CERS5: variants seen among roughly 807,000 people sequenced by gnomAD.
CERS5 encodes LAG1 homolog, ceramide synthase 5.
A neutral mutation model predicts 58.9 loss-of-function variants in CERS5; 37 were observed. The observed-to-expected ratio is 0.63, with a 90% CI of 0.48 to 0.83. CERS5 has a LOEUF of 0.83. Ranked by LOEUF, CERS5 falls within the 40% of genes least tolerant of loss-of-function variation. CERS5 has a pLI of 0.00. For synonymous variants in CERS5, 147 were observed against 177.8 expected (o/e 0.83, Z 1.38); for missense variants, 398 against 489.3 (o/e 0.81, Z 1.76).
chr12:50,133,444 G>A lies in CERS5; in HGVS notation c.1029+1102C>T, dbSNP rs774938355. ...GACACTTGCCTCATACACTAGTGGGGTGAGGTGGGTATTTAGTTCCTTATA... is the reference window on the plus strand; with the variant it reads ...GACACTTGCCTCATACACTAGTGGGATGAGGTGGGTATTTAGTTCCTTATA... On this transcript the variant is annotated intron_variant, in intron 9 of 9. Coordinates refer to ENST00000317551, the MANE Select transcript of CERS5 (RefSeq NM_147190.5). The A allele has an allele frequency of 8.0e-6, 8 of 1,001,448 alleles. No individual in the cohort carries two copies. The South Asian group carries it at 1.8e-4, about 22-fold the overall frequency. 62.0% of individuals were successfully genotyped at this position (1,001,448 alleles called of 1,614,324 possible). A position where few individuals can be genotyped will look rare whatever the true frequency, so the allele number is the denominator to read the frequency against.
At chr12:50,131,707 GTTT>G (rs890560320) in intron 9 of CERS5, among the ~76,000 whole-genome samples, 7 of 152,038 alleles carry the variant, frequency 4.6e-5, no homozygotes, top group Non-Finnish European at 7.4e-5. Flanking sequence ...ATTAACCTGG[GTTT>G]TTTTGTTTTG....
At chr12:50,159,372 T>C (rs1269174865) in intron 1 of CERS5, among the ~76,000 whole-genome samples, 2 of 152,170 alleles carry the variant, frequency 1.3e-5, no homozygotes, top group African/African-American at 4.8e-5. Context: ...CATTTGAATA[T>C]TTCAGAAAAT....
At position 50,157,702 on chromosome 12, in the gene CERS5, G is replaced by A. The variant is rs764801592; in HGVS notation, c.197+9399C>T. ...CATACAACGGAGAATATTAGATGAG[G>A]AAAAAAGAAATTGTCCAAAAAAAAA... On this transcript the variant is annotated intron_variant, in intron 1 of 9. Transcript: ENST00000317551. Among the ~76,000 whole-genome samples, 10 of 151,668 alleles carry A rather than the reference G, an allele frequency of 6.6e-5. No individual in the cohort carries two copies. The South Asian group carries it at 1.7e-3, about 25-fold the overall frequency.
chr12:50,133,312 G>A lies in CERS5; in HGVS notation c.1029+1234C>T, dbSNP rs73299595. ...CTAGCCCTTTGACTACAGTCTGACT[G>A]CTTCAAAACTTGCAAAGTTCAATTA... On this transcript the variant is annotated intron_variant, in intron 9 of 9. Coordinates refer to ENST00000317551, the MANE Select transcript of CERS5 (RefSeq NM_147190.5). 2.3e-3 allele frequency: 2,487 copies of A among 1,062,396 alleles called. 53 individuals are homozygous for A. The African/African-American group carries it at 0.038, about 16-fold the overall frequency. 65.8% of individuals were successfully genotyped at this position (1,062,396 alleles called of 1,614,324 possible). A position where few individuals can be genotyped will look rare whatever the true frequency, so the allele number is the denominator to read the frequency against.
chr12:50,142,976 G>A, intron 3 of CERS5, 98 bp downstream of exon 3: 1 of 1,314,694 alleles, frequency 7.6e-7, no homozygotes, highest in East Asian at 2.4e-5. Flanking sequence ...TCCATTAACT[G>A]TTGTCCTAAC....
Position 50,167,283 on chromosome 12 carries a change from C to G in CERS5, c.15G>C (p.Ala5=), listed in dbSNP as rs767924286. 1 of 1,543,156 alleles carries G rather than the reference C, an allele frequency of 6.5e-7. No individual in the cohort carries two copies. The highest frequency in any genetic ancestry group is 2.2e-5 in the Admixed American group (1 of 46,404). Residue 5 remains alanine (A), a synonymous_variant, in exon 1 of 10, where the codon GCG becomes GCC. Transcript: ENST00000317551. MATA[A]QGPLSLLWGW... The stretch of plus-strand genomic sequence containing the variant: ...CCCACAGCAAGCTTAGGGGTCCCTG[C>G]GCTGCTGTCGCCATCTTACGCCCAC...
chr12:50,143,467 C>T (rs1387368652), intron 2 of CERS5: 1 of 344,358 alleles, frequency 2.9e-6, no homozygotes, highest in Non-Finnish European at 5.3e-6. Flanking sequence ...AATTGCAGGC[C>T]AGGCATGGTG....
chr12:50,151,835 G>A (rs1410685933), intron 1 of CERS5, among the ~76,000 whole-genome samples: 5 of 152,140 alleles, frequency 3.3e-5, no homozygotes, highest in Non-Finnish European at 5.9e-5. Flanking sequence ...TAGTAGACAC[G>A]GGTTTCACCA....
intron 1 of CERS5, among the ~76,000 whole-genome samples, chr12:50,156,545 T>C (rs1938677690): frequency 6.6e-6 from 1 of 150,830 alleles, no homozygotes; most frequent in Admixed American, 6.7e-5. Flanking sequence ...TAGTGAGTCA[T>C]GATCATGCCA....
At chr12:50,144,900 C>T (rs372243216) in intron 1 of CERS5, 17 of 680,920 alleles carry the variant, frequency 2.5e-5, no homozygotes, top group South Asian at 1.5e-4. Context: ...CTTTGGGAGG[C>T]TGAGGCAGGA....
rs541869563 is a variant in CERS5, at chr12:50,167,193, C to T, written c.105G>A (p.Pro35=). 1 of 1,605,672 alleles carries T rather than the reference C, an allele frequency of 6.2e-7. No homozygotes were observed. The highest frequency in any genetic ancestry group is 1.4e-5 in the African/African-American group (1 of 73,834). Residue 35 remains proline (P), a synonymous_variant, in exon 1 of 10, where the codon CCG becomes CCA. Transcript: ENST00000317551. ...ENVSWADLEG[P]ADGYGYPRGR... ...CGCGGGGGTAACCGTAGCCGTCGGC[C>T]GGCCCCTCCAGATCAGCCCAGCTCA...
intron 1 of CERS5, among the ~76,000 whole-genome samples, chr12:50,147,122 G>A (rs1028580454): frequency 3.3e-5 from 5 of 151,506 alleles, no homozygotes; most frequent in African/African-American, 9.7e-5. Context: ...CAGGTATCTA[G>A]GCCAGGCGCG....
chr12:50,130,699 G>A lies in CERS5; in HGVS notation c.1030-5C>T, dbSNP rs1270005944. On this transcript the variant is annotated splice_polypyrimidine_tract_variant and splice_region_variant and intron_variant, in intron 9 of 9. Coordinates refer to ENST00000317551, the MANE Select transcript of CERS5 (RefSeq NM_147190.5). ...ACTGCGATCATCCTTCGATACCTGG[G>A]TGGGATGAGACCAAAGACAGAAAAG... is the stretch of plus-strand genomic sequence containing the variant. 3 of 1,577,026 alleles carry A rather than the reference G, an allele frequency of 1.9e-6. No homozygotes were observed. Among genetic ancestry groups the A allele is most frequent in the South Asian group, 1.1e-5 (1 of 88,746 alleles).
chr12:50,166,264 G>C (rs555175496), intron 1 of CERS5: 4 of 163,078 alleles, frequency 2.5e-5, no homozygotes, highest in Admixed American at 2.0e-4. Context: ...CGGAGGTCGC[G>C]GTAAGCCGAG....
chr12:50,138,745 G>A lies in CERS5; in HGVS notation c.493-128C>T, dbSNP rs944322588. ...CAGAAAAGCCCCCAAACAGATTTTA[G>A]GGCTCCCTAAAGGATCAATAAATAG... is the stretch of plus-strand genomic sequence containing the variant. On this transcript the variant is annotated intron_variant, in intron 4 of 9. Coordinates refer to ENST00000317551, the MANE Select transcript of CERS5 (RefSeq NM_147190.5). 4 of 786,746 alleles carry A rather than the reference G, an allele frequency of 5.1e-6. No individual in the cohort carries two copies. The African/African-American group carries it at 6.8e-5, about 13-fold the overall frequency. The allele number at this position is 786,746 out of a possible 1,614,324, so 48.7% of individuals were successfully genotyped here. A position where few individuals can be genotyped will look rare whatever the true frequency, so the allele number is the denominator to read the frequency against.
intron 5 of CERS5, 57 bp downstream of exon 5, chr12:50,138,510 A>T: frequency 7.0e-7 from 1 of 1,428,698 alleles, no homozygotes; most frequent in Non-Finnish European, 9.9e-7. Flanking sequence ...AAGGACCCTC[A>T]CTCACTCCAC....
In CERS5 at chr12:50,134,601, A is replaced by C; in HGVS notation, c.974T>G (p.Val325Gly). 1 of 1,614,202 alleles carries C rather than the reference A, an allele frequency of 6.2e-7. No homozygotes were observed. Among genetic ancestry groups the C allele is most frequent in the Non-Finnish European group, 8.5e-7 (1 of 1,180,032 alleles). ...GLLLTLQLLH[V>G]IWSYLIARIA... ...CCGTGCAATTAGGTAGGACCAGATG[A>C]CATGCAGAAGCTGTAGGGTCAGCAG... The change falls in exon 9 of 10, where the codon GTC becomes GGC. Residue 325 changes from valine (V) to glycine (G), a missense_variant. Physicochemically the swap from Val to Gly is moderately radical, Grantham distance 109. Around this residue, in one of 3 missense-constraint regions of CERS5, gnomAD observed 23 missense variants for 54.6 expected, o/e 0.42. Coordinates refer to ENST00000317551, the MANE Select transcript of CERS5 (RefSeq NM_147190.5).
intron 9 of CERS5, 93 bp from the exon 10 acceptor site, chr12:50,130,787 C>A: frequency 8.3e-7 from 1 of 1,204,896 alleles, no homozygotes; most frequent in South Asian, 1.7e-5. Flanking sequence ...TGTTCCCAGT[C>A]TGGTCTGCTT....
chr12:50,129,733 C>CTTAA lies in CERS5; in HGVS notation c.*808_*811dup, dbSNP rs893703995. On this transcript the variant is annotated 3_prime_UTR_variant, in exon 10 of 10. Transcript: ENST00000317551. Reference sequence around the variant, plus strand: ...CTTCTGAATCAGACCTGGAAAAGCTCTTAATTAGCTTATGGATTCAGGAAA... The same window carrying CTTAA: ...CTTCTGAATCAGACCTGGAAAAGCTCTTAATTAATTAGCTTATGGATTCAGGAAA... 6 of 152,022 alleles carry CTTAA rather than the reference C, an allele frequency of 3.9e-5. No individual in the cohort carries two copies. Among genetic ancestry groups the CTTAA allele is most frequent in the African/African-American group, 9.7e-5 (4 of 41,372 alleles). 9.4% of individuals were successfully genotyped at this position (152,022 alleles called of 1,614,324 possible).
Sources: allele counts gnomAD v4.1 joint callset (sites outside exome capture counted in the v4.1 genomes callset), GRCh38; gene constraint gnomAD v4.1.1; regional missense constraint gnomAD v4.1.1; transcripts MANE v1.5; gene names NCBI Gene and HGNC (gene_info 2026-07-23, HGNC 2026-07-21).